SLC41A3: variants seen among roughly 807,000 people sequenced by gnomAD.
The protein encoded by SLC41A3 is SLC41A1-like 2.
A neutral mutation model predicts 45.4 loss-of-function variants in SLC41A3; 44 were observed. That is an observed-to-expected ratio of 0.97 (90% confidence interval 0.76 to 1.25). The LOEUF is 1.25. SLC41A3 is among the 50% of genes most tolerant of loss of function. SLC41A3 has a pLI of 0.00. For missense variants in SLC41A3, 550 were observed against 600.6 expected (o/e 0.92, Z 0.88); for synonymous variants, 256 against 252.4 (o/e 1.01, Z -0.13).
intron 1 of SLC41A3, among the ~76,000 whole-genome samples, chr3:126,075,519 G>A (rs1314127508): frequency 2.2e-5 from 3 of 137,622 alleles, no homozygotes; most frequent in Non-Finnish European, 4.7e-5. Context: ...ATTCTAAAAT[G>A]CAAATGGAAA....
chr3:126,095,727 A>C (rs913677462), intron 1 of SLC41A3, among the ~76,000 whole-genome samples: 4 of 152,242 alleles, frequency 2.6e-5, no homozygotes, highest in Admixed American at 6.5e-5. Context: ...GGAAGATTGC[A>C]TTGCAGAACA....
intron 3 of SLC41A3, among the ~76,000 whole-genome samples, chr3:126,040,217 ATC>A (rs1942493212): frequency 6.6e-6 from 1 of 152,240 alleles, no homozygotes; most frequent in Non-Finnish European, 1.5e-5. Context: ...TGTCATAAAT[ATC>A]TATCTACATA....
At chr3:126,099,247 C>T (rs977087687) in intron 1 of SLC41A3, among the ~76,000 whole-genome samples, 3 of 152,136 alleles carry the variant, frequency 2.0e-5, no homozygotes, top group Non-Finnish European at 2.9e-5. Context: ...GTTAGTGCTC[C>T]AGAGCCCGGG....
intron 1 of SLC41A3, among the ~76,000 whole-genome samples, chr3:126,100,862 A>T (rs1412518232): frequency 6.6e-6 from 1 of 152,098 alleles, no homozygotes; most frequent in Admixed American, 6.5e-5. Flanking sequence ...TTGACTCACC[A>T]CCACTTTCCT....
chr3:126,038,709 G>A (rs1942376326), intron 3 of SLC41A3, among the ~76,000 whole-genome samples: 1 of 152,202 alleles, frequency 6.6e-6, no homozygotes, highest in Admixed American at 6.5e-5. Context: ...AGTTGGTGCT[G>A]GAATGAGTTA....
intron 1 of SLC41A3, among the ~76,000 whole-genome samples, chr3:126,096,629 C>G (rs1945608664): frequency 6.6e-6 from 1 of 152,268 alleles, no homozygotes; most frequent in Non-Finnish European, 1.5e-5. Context: ...CTACAGATAA[C>G]TAGCCAGACC....
intron 6 of SLC41A3, among the ~76,000 whole-genome samples, chr3:126,020,536 A>G (rs1326850146): frequency 1.3e-5 from 2 of 152,164 alleles, no homozygotes; most frequent in African/African-American, 4.8e-5. Context: ...CACCAGGTAA[A>G]CCAAAAACAA....
intron 2 of SLC41A3, among the ~76,000 whole-genome samples, chr3:126,059,291 A>AGAGAGAAAG (rs748196107): frequency 8.2e-5 from 10 of 121,296 alleles, no homozygotes; most frequent in East Asian, 2.4e-4. Flanking sequence ...AGAAAGAAAG[A>AGAGAGAAAG]AAGAAAGAAA....
At chr3:126,056,548 AC>A (rs1339033390) in intron 2 of SLC41A3, 1 of 1,613,368 alleles carries the variant, frequency 6.2e-7, no homozygotes, top group Admixed American at 1.7e-5. Flanking sequence ...CTGGGTGACC[AC>A]CATGGCCAGG....
intron 3 of SLC41A3, among the ~76,000 whole-genome samples, chr3:126,044,895 C>CAAAAGAAAAAAAGAAAAAAAA (rs1942853834): frequency 1.2e-5 from 1 of 82,720 alleles, no homozygotes; most frequent in Non-Finnish European, 2.2e-5. Context: ...GACTCCATCT[C>CAAAAGAAAAAAAGAAAAAAAA]AAAAAAAAAA....
chr3:126,053,284 C>T (rs1221187640), intron 2 of SLC41A3, among the ~76,000 whole-genome samples: 1 of 152,176 alleles, frequency 6.6e-6, no homozygotes, highest in Non-Finnish European at 1.5e-5. Context: ...CCTAGACATG[C>T]ACAGAGGGGA....
chr3:126,026,204 C>G lies in SLC41A3; in HGVS notation c.598+131G>C. On this transcript the variant is annotated intron_variant, in intron 5 of 10. Transcript: ENST00000360370. The surrounding 1 kb of genome is among the most constrained non-coding windows in gnomAD (Gnocchi z 4.2). ...GCTCGTCCCACCCTGCCAGTGAGAA[C>G]CCTGAGCCCACCATCAGTCCCATTA... 1 of 1,391,774 alleles carries G rather than the reference C, an allele frequency of 7.2e-7. No individual in the cohort carries two copies. Among genetic ancestry groups the G allele is most frequent in the Non-Finnish European group, 9.6e-7 (1 of 1,036,542 alleles). The allele number at this position is 1,391,774 out of a possible 1,614,324, so 86.2% of individuals were successfully genotyped here. A position where few individuals can be genotyped will look rare whatever the true frequency, so the allele number is the denominator to read the frequency against.
At chr3:126,087,847 GT>G (rs1945424053), upstream of SLC41A3, among the ~76,000 whole-genome samples, 1 of 151,952 alleles carries the variant, frequency 6.6e-6, no homozygotes, top group African/African-American at 2.4e-5. Flanking sequence ...AGAAATTATA[GT>G]AGTCTTTCTA....
intron 2 of SLC41A3, among the ~76,000 whole-genome samples, chr3:126,054,530 C>T (rs1316109698): frequency 1.3e-5 from 2 of 152,104 alleles, no homozygotes; most frequent in African/African-American, 2.4e-5. Context: ...ATCACTGTCC[C>T]CATGACAGCG....
chr3:126,056,776 CATTACAGAG>C (rs1943697414), intron 2 of SLC41A3: 1 of 1,374,174 alleles, frequency 7.3e-7, no homozygotes, highest in South Asian at 1.8e-5. Flanking sequence ...CTCACGGCCT[CATTACAGAG>C]ACTCTGCCAG....
At chr3:126,016,262 G>A (rs138426969) in intron 7 of SLC41A3, among the ~76,000 whole-genome samples, 63 of 152,326 alleles carry the variant, frequency 4.1e-4, no homozygotes, top group African/African-American at 1.5e-3. Context: ...CTGGAAGGGC[G>A]CTAACCCCAC....
chr3:126,054,104 T>A (rs1381933194), intron 2 of SLC41A3, among the ~76,000 whole-genome samples: 2 of 152,080 alleles, frequency 1.3e-5, no homozygotes, highest in African/African-American at 4.8e-5. Flanking sequence ...CTGTCTGGGG[T>A]GGGTTTTGTG....
At chr3:126,087,591 A>T (rs1230084636), upstream of SLC41A3, among the ~76,000 whole-genome samples, 1 of 152,052 alleles carries the variant, frequency 6.6e-6, no homozygotes, top group African/African-American at 2.4e-5. Flanking sequence ...GTAGAGAAAC[A>T]TAAGACATAA....
chr3:126,037,767 A>T (rs1294273756), intron 3 of SLC41A3, among the ~76,000 whole-genome samples: 1 of 152,272 alleles, frequency 6.6e-6, no homozygotes, highest in Non-Finnish European at 1.5e-5. Context: ...AGGGGCCTAA[A>T]GAGCAACCAC....
Sources: allele counts gnomAD v4.1 joint callset (sites outside exome capture counted in the v4.1 genomes callset), GRCh38; gene constraint gnomAD v4.1.1; non-coding constraint Gnocchi (gnomAD v3.1); transcripts MANE v1.5; gene names NCBI Gene and HGNC (gene_info 2026-07-23, HGNC 2026-07-21).